Variants in SHC4 observed in about 807,000 individuals in gnomAD.
SHC4 encodes the protein SHC adaptor protein 4.
A neutral mutation model predicts 69.4 loss-of-function variants in SHC4; 41 were observed. That is an observed-to-expected ratio of 0.59 (90% CI 0.46 to 0.77). The LOEUF (loss-of-function observed/expected upper bound fraction) is 0.77, where lower values mean the gene tolerates loss of function less well. SHC4 is among the 30% of genes least tolerant of loss of function. The pLI, the probability that SHC4 is intolerant of heterozygous loss-of-function variation, is 0.00. For missense variants in SHC4, 777 were observed against 783.8 expected (o/e 0.99, Z 0.10); for synonymous variants, 318 against 299.3 (o/e 1.06, Z -0.64).
chr15:48,862,573 G>A (rs1263720712), intron 6 of SHC4, among the ~76,000 whole-genome samples: 1 of 152,188 alleles, frequency 6.6e-6, no homozygotes, highest in Admixed American at 6.5e-5. Flanking sequence ...CTTCGGGATT[G>A]TCAGCATGAA....
chr15:48,826,249 G>A, intron 11 of SHC4, 123 bp from the exon 12 acceptor site: 1 of 961,462 alleles, frequency 1.0e-6, no homozygotes, highest in Non-Finnish European at 1.4e-6. Flanking sequence ...AAAAAGAAAA[G>A]GTACTTTTTT....
At chr15:48,876,566 A>C in intron 4 of SHC4, 3 of 695,214 alleles carry the variant, frequency 4.3e-6, no homozygotes, top group Non-Finnish European at 5.2e-6. Context: ...AAGGTCCTAC[A>C]ATAGGCTGTC....
intron 2 of SHC4, among the ~76,000 whole-genome samples, chr15:48,912,458 G>A (rs1311859039): frequency 6.6e-6 from 1 of 152,064 alleles, no homozygotes; most frequent in Non-Finnish European, 1.5e-5. Context: ...TTTTCTTTAA[G>A]CTATCTACTT....
At chr15:48,876,486 C>T (rs1247119488) in intron 4 of SHC4, 1 of 468,510 alleles carries the variant, frequency 2.1e-6, no homozygotes, top group African/African-American at 2.0e-5. Flanking sequence ...CACATACACA[C>T]ATACATATAC....
intron 2 of SHC4, among the ~76,000 whole-genome samples, chr15:48,915,225 C>CT (rs958272169): frequency 1.3e-5 from 2 of 152,180 alleles, no homozygotes; most frequent in African/African-American, 4.8e-5. Context: ...AACTATGTGC[C>CT]TGCTGTGTGA....
At chr15:48,830,240 G>A (rs1251007756) in intron 11 of SHC4, among the ~76,000 whole-genome samples, 3 of 151,948 alleles carry the variant, frequency 2.0e-5, no homozygotes, top group African/African-American at 7.3e-5. Flanking sequence ...CATGGGGCTC[G>A]CATAAAACAT....
intron 6 of SHC4, among the ~76,000 whole-genome samples, chr15:48,867,565 T>TA (rs1323203442): frequency 6.6e-6 from 1 of 152,236 alleles, no homozygotes; most frequent in African/African-American, 2.4e-5. Context: ...ATAACCATAA[T>TA]AGCTTCTCTT....
At chr15:48,884,210 T>C (rs759829342) in intron 4 of SHC4, 38 bp downstream of exon 4, 1 of 1,562,520 alleles carries the variant, frequency 6.4e-7, no homozygotes, top group Non-Finnish European at 8.6e-7. Flanking sequence ...TCTGAAAAAA[T>C]AGATATGTTT....
intron 1 of SHC4, among the ~76,000 whole-genome samples, chr15:48,958,598 GTGTGAGAAAGGAACCCTACATTCA>G (rs1167217746): frequency 6.6e-6 from 1 of 152,198 alleles, no homozygotes; most frequent in African/African-American, 2.4e-5. Flanking sequence ...AACACCTCCC[GTGTGAGAAAGGAACCCTACATTCA>G]TTAAATACTG....
intron 1 of SHC4, among the ~76,000 whole-genome samples, chr15:48,926,563 A>G (rs1900858277): frequency 6.6e-6 from 1 of 151,980 alleles, no homozygotes; most frequent in African/African-American, 2.4e-5. Context: ...CCCAAATTCA[A>G]GCAATTCTCC....
At chr15:48,849,045 GAAAC>G (rs1374301347) in intron 9 of SHC4, among the ~76,000 whole-genome samples, 2 of 152,040 alleles carry the variant, frequency 1.3e-5, no homozygotes, top group African/African-American at 4.8e-5. Context: ...GGAGAGGAGA[GAAAC>G]AAACTGGGAA....
intron 2 of SHC4, among the ~76,000 whole-genome samples, chr15:48,913,814 C>T (rs1900561328): frequency 6.6e-6 from 1 of 152,184 alleles, no homozygotes; most frequent in Admixed American, 6.5e-5. Flanking sequence ...GTTCAGCTCT[C>T]CAAATTGACT....
chr15:48,911,639 T>C (rs1900510922), intron 2 of SHC4, among the ~76,000 whole-genome samples: 2 of 152,182 alleles, frequency 1.3e-5, no homozygotes, highest in South Asian at 2.1e-4. Context: ...ACTTTGGTTT[T>C]TTTTGTTGTT....
chr15:48,865,997 C>T (rs1046075224), intron 6 of SHC4, among the ~76,000 whole-genome samples: 3 of 152,202 alleles, frequency 2.0e-5, no homozygotes, highest in Non-Finnish European at 2.9e-5. Flanking sequence ...GAACTCTTCA[C>T]CATCATTTAC....
intron 2 of SHC4, among the ~76,000 whole-genome samples, chr15:48,920,797 G>C (rs954784086): frequency 3.9e-5 from 6 of 152,020 alleles, no homozygotes; most frequent in Admixed American, 2.6e-4. Context: ...ATGAAAAATA[G>C]AAGAGGCCAG....
chr15:48,952,803 T>G (rs1901386855), intron 1 of SHC4, among the ~76,000 whole-genome samples: 1 of 152,200 alleles, frequency 6.6e-6, no homozygotes, highest in Non-Finnish European at 1.5e-5. Context: ...AAGGGAATGC[T>G]CATACACTGT....
intron 2 of SHC4, among the ~76,000 whole-genome samples, chr15:48,899,927 A>T (rs1201456380): frequency 6.6e-6 from 1 of 152,180 alleles, no homozygotes; most frequent in Non-Finnish European, 1.5e-5. Context: ...ATTCTGACAC[A>T]GAGTTCATGA....
At chr15:48,874,820 C>T (rs1309530033) in intron 4 of SHC4, among the ~76,000 whole-genome samples, 1 of 152,198 alleles carries the variant, frequency 6.6e-6, no homozygotes, top group South Asian at 2.1e-4. Flanking sequence ...TGATGTACTT[C>T]AGTTGTACAG....
intron 2 of SHC4, among the ~76,000 whole-genome samples, chr15:48,891,973 G>T (rs1412404118): frequency 1.3e-5 from 2 of 152,180 alleles, no homozygotes; most frequent in African/African-American, 4.8e-5. Flanking sequence ...TCCTGCCTCA[G>T]CCTCCCGAGT....
Sources: allele counts gnomAD v4.1 joint callset (sites outside exome capture counted in the v4.1 genomes callset), GRCh38; gene constraint gnomAD v4.1.1; transcripts MANE v1.5; gene names NCBI Gene and HGNC (gene_info 2026-07-23, HGNC 2026-07-21).